Variants in CACNA1B observed in about 807,000 individuals in gnomAD.
CACNA1B encodes calcium voltage-gated channel subunit alpha1 B.
In CACNA1B, 70 loss-of-function variants were observed where a neutral mutation model predicts 247.2. The observed-to-expected ratio is 0.28, with a 90% CI of 0.23 to 0.35. The LOEUF is 0.35. Ranked by LOEUF, CACNA1B falls within the 10% of genes least tolerant of loss-of-function variation. CACNA1B has a pLI of 1.00. For synonymous variants in CACNA1B, 1,231 were observed against 1,294.4 expected (o/e 0.95, Z 1.05); for missense variants, 2,367 against 3,197.4 (o/e 0.74, Z 6.26).
At chr9:138,091,651 T>A (rs1960882860) in intron 36 of CACNA1B, among the ~76,000 whole-genome samples, 1 of 152,156 alleles carries the variant, frequency 6.6e-6, no homozygotes, top group African/African-American at 2.4e-5. Context: ...TATCAAAATA[T>A]TATACTGTAC....
chr9:138,115,520 A>T lies in CACNA1B; in HGVS notation c.5650-32A>T, dbSNP rs547167468. 1.9e-6 allele frequency: 3 copies of T among 1,603,278 alleles called. No individual in the cohort carries two copies. The South Asian group carries it at 3.3e-5, about 18-fold the overall frequency. ...AGAGGCCACATTGCAGGCCCATTGG[A>T]GCTCTTTCCCTTCCCTTTGCCTCCT... On this transcript the variant is annotated intron_variant, in intron 41 of 46. Coordinates refer to ENST00000371372, the MANE Select transcript of CACNA1B (RefSeq NM_000718.4).
intron 25 of CACNA1B, 67 bp from the exon 26 acceptor site, chr9:138,053,779 C>A: frequency 7.9e-7 from 1 of 1,268,910 alleles, no homozygotes; most frequent in South Asian, 1.3e-5. Context: ...CTACCCTTCC[C>A]CCTCATGGCC....
rs555169385 is a variant in CACNA1B, at chr9:137,932,718, C to T, written c.966+15287C>T. ...TTAGTACATTCTTCACAAGGGAAAC[C>T]GTGAATGCAGCTAGTGGGCCTGCCT... is the stretch of plus-strand genomic sequence containing the variant. On this transcript the variant is annotated intron_variant, in intron 6 of 46. Transcript: ENST00000371372. 4.6e-5 allele frequency among the ~76,000 whole-genome samples: 7 copies of T among 152,204 alleles called. No homozygotes were observed. In the South Asian group the frequency reaches 6.2e-4, roughly 14 times the overall value.
At chr9:138,019,966 G>A (rs901171492) in intron 18 of CACNA1B, among the ~76,000 whole-genome samples, 5 of 151,960 alleles carry the variant, frequency 3.3e-5, no homozygotes, top group East Asian at 1.9e-4. Context: ...GAGTGGTGGC[G>A]GGCGCCTGTA....
chr9:137,924,789 T>C (rs967466918), intron 6 of CACNA1B, among the ~76,000 whole-genome samples: 2 of 152,240 alleles, frequency 1.3e-5, no homozygotes, highest in African/African-American at 4.8e-5. Flanking sequence ...TTTCTTTGAA[T>C]GATTCTAATG....
At chr9:138,084,061 C>A (rs534091358) in intron 36 of CACNA1B, among the ~76,000 whole-genome samples, 3 of 151,036 alleles carry the variant, frequency 2.0e-5, no homozygotes, top group South Asian at 4.2e-4. Context: ...GCCCTGCCCC[C>A]ACCCCGCCCA....
At chr9:138,103,085 G>A (rs1961308362) in intron 38 of CACNA1B, among the ~76,000 whole-genome samples, 1 of 151,916 alleles carries the variant, frequency 6.6e-6, no homozygotes, top group African/African-American at 2.4e-5. Flanking sequence ...CAGGAAGACA[G>A]AACTAGACCC....
chr9:138,118,573 C>T, intron 43 of CACNA1B, 79 bp from the exon 44 acceptor site: 4 of 706,182 alleles, frequency 5.7e-6, no homozygotes, highest in East Asian at 2.8e-5. Context: ...CCCAGTGCCT[C>T]ATGGAGTGAG....
intron 15 of CACNA1B, among the ~76,000 whole-genome samples, chr9:137,995,021 A>G (rs1307645388): frequency 6.6e-6 from 1 of 152,140 alleles, no homozygotes; most frequent in Non-Finnish European, 1.5e-5. Flanking sequence ...CCTGACCAAC[A>G]TGATGAAACC....
At position 138,118,810 on chromosome 9, in the gene CACNA1B, G is replaced by C. The variant is rs34196125; in HGVS notation, c.6030+42G>C. The C allele has an allele frequency of 0.026, 22,772 of 877,506 alleles. 396 individuals are homozygous for C. The highest frequency in any genetic ancestry group is 0.031 in the Non-Finnish European group (17,199 of 562,558). 54.4% of individuals were successfully genotyped at this position (877,506 alleles called of 1,614,324 possible). On this transcript the variant is annotated intron_variant, in intron 44 of 46. Transcript: ENST00000371372. ...GGTCCAGGCCCTGGGCTGGGCAAGT[G>C]GGGGGTGGGGAAGTGGGGCTGTGGC...
At chr9:137,939,130 C>T (rs1467277684) in intron 6 of CACNA1B, among the ~76,000 whole-genome samples, 5 of 152,102 alleles carry the variant, frequency 3.3e-5, no homozygotes, top group Non-Finnish European at 5.9e-5. Context: ...TGGGGAACTT[C>T]AGTACTCCAC....
chr9:137,925,214 G>C (rs1324712973), intron 6 of CACNA1B, among the ~76,000 whole-genome samples: 7 of 152,320 alleles, frequency 4.6e-5, no homozygotes, highest in Non-Finnish European at 2.9e-5. Context: ...ACCGTGAGTG[G>C]GGAGCGCCAT....
chr9:137,935,260 C>T (rs994910957), intron 6 of CACNA1B, among the ~76,000 whole-genome samples: 1 of 152,160 alleles, frequency 6.6e-6, no homozygotes, highest in Non-Finnish European at 1.5e-5. Context: ...CCATACCCCC[C>T]ACCCCATGAC....
In CACNA1B at chr9:138,072,127, C is replaced by T. The variant is rs1038198398; in HGVS notation, c.4675-1361C>T. On this transcript the variant is annotated intron_variant, in intron 32 of 46. Coordinates refer to ENST00000371372, the MANE Select transcript of CACNA1B (RefSeq NM_000718.4). This position sits in a 1 kb window ranked among gnomAD's most constrained non-coding sequence, Gnocchi z 4.5. The stretch of plus-strand genomic sequence containing the variant: ...TGGGGTCACACCCTGAGGTCTACTG[C>T]TGCCGCCTTGCTGATTTGGATCATA... Among the ~76,000 whole-genome samples, 2 of 152,204 alleles carry T rather than the reference C, an allele frequency of 1.3e-5. No homozygotes were observed. The highest frequency in any genetic ancestry group is 4.8e-5 in the African/African-American group (2 of 41,458).
At position 138,020,302 on chromosome 9, in the gene CACNA1B, G is replaced by T. The variant is rs745392076; in HGVS notation, c.2268-2709G>T. ...TGAGCCCTCCTCCCTGGAACAGCTGGGTTGTGCCTACCAGCTGAGGCCAGG... is the reference window on the plus strand; with the variant it reads ...TGAGCCCTCCTCCCTGGAACAGCTGTGTTGTGCCTACCAGCTGAGGCCAGG... On this transcript the variant is annotated intron_variant, in intron 18 of 46. Transcript: ENST00000371372. The surrounding 1 kb of genome is among the most constrained non-coding windows in gnomAD (Gnocchi z 4.1). Among the ~76,000 whole-genome samples the T allele has an allele frequency of 6.6e-6, 1 of 152,152 alleles. No individual in the cohort carries two copies. Among genetic ancestry groups the T allele is most frequent in the Non-Finnish European group, 1.5e-5 (1 of 68,026 alleles).
chr9:137,989,234 T>A (rs1958403201), intron 15 of CACNA1B, among the ~76,000 whole-genome samples: 1 of 152,186 alleles, frequency 6.6e-6, no homozygotes. Context: ...AGAAAAGACC[T>A]AAACCAAATC....
chr9:137,960,450 G>A (rs879654885), intron 10 of CACNA1B, among the ~76,000 whole-genome samples: 634 of 22,160 alleles, frequency 0.029, no homozygotes, highest in East Asian at 0.043. Flanking sequence ...GGGAGGGGAG[G>A]TCGGCCTGAA....
At chr9:137,946,481 C>A (rs1183810234) in intron 6 of CACNA1B, among the ~76,000 whole-genome samples, 1 of 152,166 alleles carries the variant, frequency 6.6e-6, no homozygotes, top group Admixed American at 6.5e-5. Context: ...AGTCCTTCCC[C>A]CTTCCAGGCA....
chr9:138,074,101 G>C (rs145698236), intron 34 of CACNA1B, 35 bp downstream of exon 34: 5 of 1,504,790 alleles, frequency 3.3e-6, no homozygotes, highest in Non-Finnish European at 4.6e-6. Flanking sequence ...GCGTGGTTCC[G>C]GCCTCCCGTG....
Sources: gnomAD v4.1 joint callset for allele counts (sites outside exome capture counted in the v4.1 genomes callset) on GRCh38, gnomAD v4.1.1 for gene constraint, Gnocchi (gnomAD v3.1) non-coding constraint, MANE v1.5 for transcripts, NCBI Gene and HGNC (gene_info 2026-07-23, HGNC 2026-07-21) for gene names.